The following STK3 variants were observed in gnomAD, a reference collection of about 807,000 sequenced individuals.
STK3 encodes serine/threonine-protein kinase 3.
In STK3, 41 loss-of-function variants were observed where a neutral mutation model predicts 58.0. The ratio of observed to expected loss-of-function variants is 0.71; its 90% CI spans 0.55 to 0.92. STK3 has a LOEUF of 0.92. Among genes scored for constraint, STK3 ranks in the 40% least tolerant of loss-of-function variants. The pLI is 0.00. For synonymous variants in STK3, 170 were observed against 191.0 expected, an observed-to-expected ratio of 0.89 and a Z score of 0.91; for missense variants, 479 against 602.7, an observed-to-expected ratio of 0.79 and a Z score of 2.15.
At chr8:98,751,176 C>T (rs1829951984) in intron 3 of STK3, among the ~76,000 whole-genome samples, 1 of 152,158 alleles carries the variant, frequency 6.6e-6, no homozygotes, top group South Asian at 2.1e-4. Context: ...TGGAAGCATT[C>T]CCCTTGAAAA....
At chr8:98,751,246 C>A (rs981201364) in intron 3 of STK3, among the ~76,000 whole-genome samples, 6 of 152,104 alleles carry the variant, frequency 3.9e-5, no homozygotes, top group African/African-American at 1.4e-4. Flanking sequence ...TATTGGAAGT[C>A]CTGGCAAGGG....
At chr8:98,909,241 C>A (rs1271063823) in intron 1 of STK3, among the ~76,000 whole-genome samples, 1 of 152,088 alleles carries the variant, frequency 6.6e-6, no homozygotes, top group Non-Finnish European at 1.5e-5. Context: ...AGGCTCCTGG[C>A]CGTGGAATTT....
chr8:98,762,760 T>C (rs1357519388), intron 3 of STK3, among the ~76,000 whole-genome samples: 2 of 152,366 alleles, frequency 1.3e-5, no homozygotes, highest in Admixed American at 6.5e-5. Flanking sequence ...TCAGTTGTGA[T>C]TACCTTGTGT....
At chr8:98,640,589 AAAC>A (rs769482447) in intron 6 of STK3, among the ~76,000 whole-genome samples, 3 of 152,164 alleles carry the variant, frequency 2.0e-5, no homozygotes, top group Non-Finnish European at 4.4e-5. Flanking sequence ...TTGTACCAAT[AAAC>A]AACAATACAA....
chr8:98,413,914 A>G, intron 3 of STK3: 2 of 427,278 alleles, frequency 4.7e-6, no homozygotes, highest in Non-Finnish European at 8.8e-6. Context: ...ACAGGGCCCT[A>G]TATTTATTTG....
chr8:98,724,598 C>T lies in STK3; in HGVS notation c.352-17287G>A, dbSNP rs142926202. On this transcript the variant is annotated intron_variant, in intron 4 of 10. Transcript: ENST00000419617. ...ACTTTTAGGAAGAAAACTCTGACAG[C>T]AGGCTCTCAGACAAAGACTAAAAGG... 6.8e-3 allele frequency among the ~76,000 whole-genome samples: 1,032 copies of T among 152,260 alleles called. 8 individuals are homozygous for T. Among genetic ancestry groups the T allele is most frequent in the African/African-American group, 0.023 (969 of 41,550 alleles).
chr8:98,710,288 G>C (rs1826295442), intron 4 of STK3, among the ~76,000 whole-genome samples: 1 of 152,166 alleles, frequency 6.6e-6, no homozygotes, highest in South Asian at 2.1e-4. Context: ...GTATCGGAAA[G>C]TGGGTGCAAG....
intron 3 of STK3, among the ~76,000 whole-genome samples, chr8:98,876,267 C>T (rs1458507242): frequency 6.6e-6 from 1 of 152,102 alleles, no homozygotes; most frequent in African/African-American, 2.4e-5. Context: ...TTTAATGACA[C>T]CAGAAAACAA....
At chr8:98,634,838 C>T (rs1056200433) in intron 6 of STK3, among the ~76,000 whole-genome samples, 7 of 152,054 alleles carry the variant, frequency 4.6e-5, no homozygotes, top group African/African-American at 1.7e-4. Flanking sequence ...TTCACTGGCA[C>T]CTCTGCTTCC....
intron 6 of STK3, among the ~76,000 whole-genome samples, chr8:98,619,137 A>G (rs1326004547): frequency 1.1e-4 from 16 of 151,166 alleles, no homozygotes; most frequent in Non-Finnish European, 2.2e-4. Flanking sequence ...ATGGAACAGA[A>G]CAGAGCCCTC....
chr8:98,594,066 G>T (rs967941273), intron 7 of STK3, among the ~76,000 whole-genome samples: 1 of 152,166 alleles, frequency 6.6e-6, no homozygotes, highest in African/African-American at 2.4e-5. Flanking sequence ...CCAGGAATTT[G>T]GGAGGCCAAA....
At chr8:98,572,659 C>G (rs945804804) in intron 8 of STK3, among the ~76,000 whole-genome samples, 1 of 152,144 alleles carries the variant, frequency 6.6e-6, no homozygotes, top group African/African-American at 2.4e-5. Context: ...AGAAAGACTT[C>G]AGATTCATTC....
At chr8:98,693,108 G>C (rs1319485477) in intron 6 of STK3, among the ~76,000 whole-genome samples, 2 of 152,094 alleles carry the variant, frequency 1.3e-5, no homozygotes, top group Non-Finnish European at 2.9e-5. Context: ...CAAAAAAGAA[G>C]ACACAGGGCT....
At chr8:98,553,969 A>G (rs1811405062) in intron 8 of STK3, among the ~76,000 whole-genome samples, 1 of 152,014 alleles carries the variant, frequency 6.6e-6, no homozygotes, top group Non-Finnish European at 1.5e-5. Context: ...AAAAAAAAAA[A>G]GTCTCTTATT....
intron 6 of STK3, among the ~76,000 whole-genome samples, chr8:98,605,799 G>T (rs1816727669): frequency 6.6e-6 from 1 of 152,110 alleles, no homozygotes; most frequent in African/African-American, 2.4e-5. Context: ...TGGACCATGG[G>T]GGTGGAGTTG....
At chr8:98,601,667 A>T (rs1816359039) in intron 6 of STK3, 1 of 152,234 alleles carries the variant, frequency 6.6e-6, no homozygotes, top group South Asian at 2.1e-4. Context: ...GACTTAGCCC[A>T]AATAGGTATG....
chr8:98,469,428 C>G (rs759475179), intron 10 of STK3, among the ~76,000 whole-genome samples: 1 of 152,220 alleles, frequency 6.6e-6, no homozygotes, highest in Non-Finnish European at 1.5e-5. Context: ...CTGGACCAAG[C>G]TGCACCTCTT....
At chr8:98,827,613 A>T (rs919425354), upstream of STK3, among the ~76,000 whole-genome samples, 1 of 152,142 alleles carries the variant, frequency 6.6e-6, no homozygotes, top group South Asian at 2.1e-4. Flanking sequence ...TTTTAAGACC[A>T]TTCATTTTTG....
intron 1 of STK3, among the ~76,000 whole-genome samples, chr8:98,380,435 G>A (rs900198395): frequency 6.6e-6 from 1 of 151,872 alleles, no homozygotes; most frequent in East Asian, 1.9e-4. Flanking sequence ...ATCCTCTATT[G>A]TAGGACACTC....
Sources: gnomAD v4.1 joint callset for allele counts (sites outside exome capture counted in the v4.1 genomes callset) on GRCh38, gnomAD v4.1.1 for gene constraint, MANE v1.5 for transcripts, NCBI Gene and HGNC (gene_info 2026-07-23, HGNC 2026-07-21) for gene names.